CEMIP2: variants seen among roughly 807,000 people sequenced by gnomAD.
The protein encoded by CEMIP2 is cell migration inducing hyaluronidase 2.
CEMIP2 carries 79 observed loss-of-function variants against 146.9 expected under a neutral mutation model. The observed-to-expected ratio is 0.54, with a 90% confidence interval of 0.45 to 0.65. The LOEUF (loss-of-function observed/expected upper bound fraction) is 0.65. Ranked by LOEUF, CEMIP2 falls within the 30% of genes least tolerant of loss-of-function variation. The pLI is 0.00. For synonymous variants in CEMIP2, 601 were observed against 606.3 expected, an observed-to-expected ratio of 0.99 and a Z score of 0.13; for missense variants, 1,596 against 1,696.2, an observed-to-expected ratio of 0.94 and a Z score of 1.04.
Position 71,715,046 on chromosome 9 carries a change from A to C in CEMIP2, c.2479T>G (p.Ser827Ala). The C allele has an allele frequency of 6.2e-7, 1 of 1,613,990 alleles. No homozygotes were observed. Among genetic ancestry groups the C allele is most frequent in the Non-Finnish European group, 8.5e-7 (1 of 1,179,938 alleles). The change falls in exon 15 of 24, where the codon TCT (serine) becomes GCT (alanine). Residue 827 changes from serine (S) to alanine (A), a missense_variant. Physicochemically the swap from Ser to Ala is moderately conservative, Grantham distance 99. Transcript: ENST00000377044. The part of the protein sequence containing the change: ...PSDEGSSQEV[S>A]ESLFVGESRN... ...CTCTCCCCAACAAAGAGAGATTCAG[A>C]TACCTCTTGGCTGGAACCTTCATCA... is the stretch of plus-strand genomic sequence containing the variant.
At chr9:71,694,939 T>A (rs1301844732) in intron 20 of CEMIP2, among the ~76,000 whole-genome samples, 2 of 152,202 alleles carry the variant, frequency 1.3e-5, no homozygotes, top group East Asian at 3.8e-4. Flanking sequence ...TTTTTTAAAG[T>A]TTTTTTCAGA....
At chr9:71,717,486 GA>G (rs1484804023) in intron 13 of CEMIP2, among the ~76,000 whole-genome samples, 1 of 151,884 alleles carries the variant, frequency 6.6e-6, no homozygotes, top group Non-Finnish European at 1.5e-5. Context: ...ATACAAATGG[GA>G]AAAAAAGTGA....
chr9:71,733,782 G>A (rs530097208), intron 6 of CEMIP2, among the ~76,000 whole-genome samples: 2 of 152,204 alleles, frequency 1.3e-5, no homozygotes, highest in East Asian at 3.9e-4. Context: ...GGCTCAAAAT[G>A]AGTGCCCGGT....
chr9:71,702,261 G>GAAAAAA (rs67059194), intron 18 of CEMIP2, among the ~76,000 whole-genome samples: 6 of 106,120 alleles, frequency 5.7e-5, no homozygotes, highest in African/African-American at 1.0e-4. Context: ...TTGTCTCAAG[G>GAAAAAA]AAAAAAAAAA....
intron 2 of CEMIP2, 92 bp downstream of exon 2, chr9:71,749,949 GGC>G: frequency 8.9e-7 from 1 of 1,120,490 alleles, no homozygotes; most frequent in Non-Finnish European, 1.2e-6. Flanking sequence ...AGTTAGCTAG[GGC>G]CAACTTAAGA....
At chr9:71,700,494 G>T (rs942548601) in intron 19 of CEMIP2, 148 bp downstream of exon 19, 3 of 783,394 alleles carry the variant, frequency 3.8e-6, no homozygotes, top group Non-Finnish European at 3.9e-6. Flanking sequence ...AGCCATTCTA[G>T]TTCCCCTCTA....
intron 22 of CEMIP2, 96 bp downstream of exon 22, chr9:71,689,996 G>C: frequency 6.8e-7 from 1 of 1,466,416 alleles, no homozygotes; most frequent in East Asian, 2.3e-5. Flanking sequence ...TGAATGTCCA[G>C]AGAGTAAAAA....
rs1822027863 is a variant in CEMIP2, at chr9:71,685,409, AAAAAG to A, written c.3956-21_3956-17del. 19 of 1,485,924 alleles carry A rather than the reference AAAAAG, an allele frequency of 1.3e-5. No individual in the cohort carries two copies. The highest frequency in any genetic ancestry group is 7.1e-5 in the Admixed American group (3 of 42,040). The allele number at this position is 1,485,924 out of a possible 1,614,324, so 92.0% of individuals were successfully genotyped here. A position where few individuals can be genotyped will look rare whatever the true frequency, so the allele number is the denominator to read the frequency against. The stretch of plus-strand genomic sequence containing the variant: ...ATGGTACTCCCTAAAAAAAAAAAAA[AAAAAG>A]AAAAAGAAAAAAAATCAATTTTTAT... On this transcript the variant is annotated splice_polypyrimidine_tract_variant and intron_variant, in intron 23 of 23. Transcript: ENST00000377044.
At chr9:71,699,545 G>A in intron 19 of CEMIP2, 1 of 328,892 alleles carries the variant, frequency 3.0e-6, no homozygotes. Flanking sequence ...GATAACACTG[G>A]CTGGTGGGGG....
chr9:71,706,584 T>C (rs746806739), intron 17 of CEMIP2, among the ~76,000 whole-genome samples: 1 of 152,242 alleles, frequency 6.6e-6, no homozygotes, highest in Non-Finnish European at 1.5e-5. Flanking sequence ...TGAGTGAATG[T>C]TGAATAAATG....
intron 1 of CEMIP2, among the ~76,000 whole-genome samples, chr9:71,750,649 G>A (rs908473385): frequency 4.0e-5 from 6 of 149,696 alleles, no homozygotes; most frequent in Non-Finnish European, 7.4e-5. Flanking sequence ...GTTTCTCCAT[G>A]TAGGTTAGGC....
At chr9:71,701,675 C>CT (rs1263625266) in intron 18 of CEMIP2, among the ~76,000 whole-genome samples, 3 of 152,154 alleles carry the variant, frequency 2.0e-5, no homozygotes, top group African/African-American at 7.2e-5. Flanking sequence ...CTTTTTAAAG[C>CT]TTTTGATGCA....
intron 21 of CEMIP2, among the ~76,000 whole-genome samples, chr9:71,693,808 GTC>G (rs1822304151): frequency 6.6e-6 from 1 of 152,204 alleles, no homozygotes; most frequent in Non-Finnish European, 1.5e-5. Flanking sequence ...TGGTCTGAAT[GTC>G]TGTGTCCTGC....
rs145530594 is a variant in CEMIP2 at position 71,732,405 on chromosome 9, G to A, written c.1509C>T (p.Tyr503=). Residue 503 remains tyrosine (Y), a synonymous_variant, in exon 7 of 24, where the codon TAC becomes TAT. Transcript: ENST00000377044. The part of the protein sequence containing the change: ...VIQGEVEDSC[Y]AENQCQFFDY... ...CAAAAAATTGGCACTGATTTTCTGC[G>A]TAGCATGAGTCCTCCACTTCTCCTT... The A allele has an allele frequency of 1.1e-4, 171 of 1,613,436 alleles. No individual in the cohort carries two copies. Among genetic ancestry groups the A allele is most frequent in the African/African-American group, 8.8e-4 (66 of 74,984 alleles).
intron 12 of CEMIP2, among the ~76,000 whole-genome samples, chr9:71,721,425 C>T (rs1461283468): frequency 2.0e-5 from 3 of 152,064 alleles, no homozygotes; most frequent in African/African-American, 4.8e-5. Flanking sequence ...TTTTTTAAAA[C>T]GCCCACAGTT....
At chr9:71,706,428 G>C (rs1389101654) in intron 17 of CEMIP2, among the ~76,000 whole-genome samples, 2 of 151,932 alleles carry the variant, frequency 1.3e-5, no homozygotes, top group African/African-American at 4.8e-5. Flanking sequence ...CTGGTCCATA[G>C]TCCTACGATT....
chr9:71,687,556 C>A (rs1822102962), intron 22 of CEMIP2: 1 of 151,736 alleles, frequency 6.6e-6, no homozygotes, highest in South Asian at 2.1e-4. Context: ...CAGCCGGGTG[C>A]AGTGGCTCAT....
chr9:71,733,540 A>C (rs62547033), intron 6 of CEMIP2, among the ~76,000 whole-genome samples: 1 of 152,184 alleles, frequency 6.6e-6, no homozygotes. Flanking sequence ...CAGGTGAGCC[A>C]ATCACTATTT....
At chr9:71,685,520 C>T in intron 23 of CEMIP2, 127 bp from the exon 24 acceptor site, 1 of 1,176,128 alleles carries the variant, frequency 8.5e-7, no homozygotes, top group African/African-American at 1.5e-5. Context: ...CTCTGCACTT[C>T]CTTACATCAG....
Sources: allele counts gnomAD v4.1 joint callset (sites outside exome capture counted in the v4.1 genomes callset), GRCh38; gene constraint gnomAD v4.1.1; transcripts MANE v1.5; gene names NCBI Gene and HGNC (gene_info 2026-07-23, HGNC 2026-07-21).